The following EYS variants were observed in gnomAD, a reference collection of about 807,000 sequenced individuals.
EYS encodes protein eyes shut homolog.
EYS carries 250 observed loss-of-function variants against 282.1 expected under a neutral mutation model. That is an observed-to-expected ratio of 0.89 (90% CI 0.80 to 0.98). The LOEUF (loss-of-function observed/expected upper bound fraction) is 0.98, where lower values mean the gene tolerates loss of function less well. Ranked by LOEUF, EYS falls within the 50% of genes least tolerant of loss-of-function variation. EYS has a pLI of 0.00. For synonymous variants in EYS, 1,355 were observed against 1,282.9 expected, an observed-to-expected ratio of 1.06 and a Z score of -1.20; for missense variants, 4,016 against 3,709.0, an observed-to-expected ratio of 1.08 and a Z score of -2.15.
At chr6:65,441,907 A>C (rs1401802918) in intron 5 of EYS, among the ~76,000 whole-genome samples, 1 of 152,058 alleles carries the variant, frequency 6.6e-6, no homozygotes, top group Non-Finnish European at 1.5e-5. Flanking sequence ...GGCCAAAGTC[A>C]TATCTGAAGC....
At chr6:65,469,777 A>C (rs918452712) in intron 5 of EYS, among the ~76,000 whole-genome samples, 1 of 152,034 alleles carries the variant, frequency 6.6e-6, no homozygotes, top group Non-Finnish European at 1.5e-5. Context: ...TCCTCAAAAA[A>C]CTTTCTTCCT....
chr6:65,667,957 T>C (rs1193275121), intron 1 of EYS, among the ~76,000 whole-genome samples: 2 of 151,866 alleles, frequency 1.3e-5, no homozygotes, highest in Admixed American at 6.6e-5. Context: ...TTGATATGTA[T>C]TGTACAACAG....
intron 19 of EYS, among the ~76,000 whole-genome samples, chr6:64,861,190 G>GCCC (rs1472680942): frequency 6.6e-6 from 1 of 152,186 alleles, no homozygotes; most frequent in Non-Finnish European, 1.5e-5. Context: ...ACTGCCCTTA[G>GCCC]CCCCTGCCTC....
intron 22 of EYS, among the ~76,000 whole-genome samples, chr6:64,657,248 C>T (rs1364217356): frequency 6.6e-6 from 1 of 152,080 alleles, no homozygotes; most frequent in Admixed American, 6.6e-5. Context: ...CTATGTGTGT[C>T]TCTGCACATG....
chr6:64,065,778 T>C (rs1216971383), intron 33 of EYS, among the ~76,000 whole-genome samples: 1 of 152,194 alleles, frequency 6.6e-6, no homozygotes, highest in Non-Finnish European at 1.5e-5. Context: ...ATTGATTTAC[T>C]CTGTGTGCAA....
At chr6:63,876,690 C>G (rs1463644846) in intron 35 of EYS, among the ~76,000 whole-genome samples, 2 of 152,164 alleles carry the variant, frequency 1.3e-5, no homozygotes, top group Admixed American at 1.3e-4. Flanking sequence ...GTTAGCTTTT[C>G]CTGTTGAATT....
chr6:64,679,780 G>A (rs1178001300), intron 22 of EYS, among the ~76,000 whole-genome samples: 1 of 152,044 alleles, frequency 6.6e-6, no homozygotes, highest in African/African-American at 2.4e-5. Context: ...TTATGAGTGA[G>A]ATAAGCGTAT....
chr6:65,408,140 G>A (rs913186184), intron 5 of EYS, among the ~76,000 whole-genome samples: 4 of 151,830 alleles, frequency 2.6e-5, no homozygotes, highest in East Asian at 1.9e-4. Flanking sequence ...GGAAAAAATC[G>A]TACTTTATCA....
At chr6:64,868,768 AG>A (rs1412658600) in intron 19 of EYS, among the ~76,000 whole-genome samples, 1 of 151,494 alleles carries the variant, frequency 6.6e-6, no homozygotes, top group Non-Finnish European at 1.5e-5. Flanking sequence ...ATTTTTCTGA[AG>A]GTGTTGATTA....
intron 5 of EYS, among the ~76,000 whole-genome samples, chr6:65,450,418 C>G (rs532675378): frequency 6.6e-6 from 1 of 152,180 alleles, no homozygotes; most frequent in South Asian, 2.1e-4. Context: ...ATTGGATTCT[C>G]TGGGAATCAG....
chr6:63,869,826 TA>T (rs1308859849), intron 35 of EYS, among the ~76,000 whole-genome samples: 1 of 152,130 alleles, frequency 6.6e-6, no homozygotes, highest in African/African-American at 2.4e-5. Context: ...GGATAAGGTG[TA>T]GGGTATTGTG....
chr6:64,660,004 T>G (rs1445826968), intron 22 of EYS, among the ~76,000 whole-genome samples: 1 of 152,130 alleles, frequency 6.6e-6, no homozygotes, highest in Non-Finnish European at 1.5e-5. Flanking sequence ...ACTGGCAAAC[T>G]GAATCCAGCA....
In EYS at chr6:64,912,674, T is replaced by C. The variant is rs976957949; in HGVS notation, c.2451A>G (p.Pro817=). The change falls in exon 16 of 43, where the codon CCA becomes CCG. Residue 817 remains proline, a synonymous_variant. Transcript: ENST00000503581. The part of the protein sequence containing the change: ...SEEINECDSD[P]CMNGGLCHES... Reference sequence around the variant, plus strand: ...CATGACAAAGACCTCCATTCATGCATGGATCAGAGTCGCATTCATTTATTT... The same window carrying C: ...CATGACAAAGACCTCCATTCATGCACGGATCAGAGTCGCATTCATTTATTT... 1.7e-5 allele frequency: 26 copies of C among 1,535,766 alleles called. No homozygotes were observed. The highest frequency in any genetic ancestry group is 2.1e-5 in the Non-Finnish European group (24 of 1,136,420).
chr6:64,321,676 A>G (rs1770223988), intron 29 of EYS, among the ~76,000 whole-genome samples: 1 of 151,932 alleles, frequency 6.6e-6, no homozygotes, highest in African/African-American at 2.4e-5. Context: ...CAAGAAAAAG[A>G]GAGAAATTGG....
At chr6:65,400,609 T>C (rs1172046430) in intron 7 of EYS, among the ~76,000 whole-genome samples, 3 of 152,026 alleles carry the variant, frequency 2.0e-5, no homozygotes. Flanking sequence ...AATTTCTTTC[T>C]AACTGTATTG....
chr6:65,189,944 AG>A (rs1765601924), intron 12 of EYS, among the ~76,000 whole-genome samples: 1 of 151,808 alleles, frequency 6.6e-6, no homozygotes, highest in Admixed American at 6.6e-5. Flanking sequence ...AAGAAACAAA[AG>A]TCTGTGCTTC....
At chr6:64,897,505 T>G (rs900501945) in intron 18 of EYS, among the ~76,000 whole-genome samples, 2 of 152,088 alleles carry the variant, frequency 1.3e-5, no homozygotes, top group Non-Finnish European at 2.9e-5. Flanking sequence ...GAAAAATCAG[T>G]GCAAAAAGGC....
intron 19 of EYS, among the ~76,000 whole-genome samples, chr6:64,840,849 TAATTA>T (rs1765541866): frequency 6.6e-6 from 1 of 152,094 alleles, no homozygotes; most frequent in Non-Finnish European, 1.5e-5. Flanking sequence ...TACTTAAATT[TAATTA>T]AAAGTAAATT....
At chr6:63,874,704 T>C (rs904250274) in intron 35 of EYS, among the ~76,000 whole-genome samples, 2 of 152,194 alleles carry the variant, frequency 1.3e-5, no homozygotes, top group African/African-American at 4.8e-5. Flanking sequence ...GTAAGTTGGA[T>C]TCCGAGATAT....
Sources: gnomAD v4.1 joint callset for allele counts (sites outside exome capture counted in the v4.1 genomes callset) on GRCh38, gnomAD v4.1.1 for gene constraint, MANE v1.5 for transcripts, NCBI Gene and HGNC (gene_info 2026-07-23, HGNC 2026-07-21) for gene names.